Variants in NEBL observed in about 807,000 individuals in gnomAD.
NEBL encodes the protein LIM and SH3 protein 2.
In NEBL, 122 loss-of-function variants were observed where a neutral mutation model predicts 140.2. The observed-to-expected ratio is 0.87, with a 90% CI of 0.75 to 1.01. NEBL has a LOEUF of 1.01. Ranked by LOEUF, NEBL falls within the 50% of genes least tolerant of loss-of-function variation. The pLI, the probability that NEBL is intolerant of heterozygous loss-of-function variation, is 0.00. For missense variants in NEBL, 1,365 were observed against 1,231.3 expected (o/e 1.11, Z -1.62); for synonymous variants, 436 against 398.9 (o/e 1.09, Z -1.11).
chr10:21,046,425 T>C (rs1414706617), intron 2 of NEBL, among the ~76,000 whole-genome samples: 20 of 152,222 alleles, frequency 1.3e-4, no homozygotes. Context: ...AGCCATTACA[T>C]AGTGTACACA....
At chr10:20,966,895 A>G (rs891589198) in intron 3 of NEBL, among the ~76,000 whole-genome samples, 5 of 152,244 alleles carry the variant, frequency 3.3e-5, no homozygotes, top group African/African-American at 4.8e-5. Context: ...AAGGAAGCCA[A>G]CTGGGACCAG....
At chr10:21,156,374 G>C (rs963260806) in intron 2 of NEBL, among the ~76,000 whole-genome samples, 1 of 152,216 alleles carries the variant, frequency 6.6e-6, no homozygotes, top group South Asian at 2.1e-4. Flanking sequence ...CTGATTATGA[G>C]GAGGAAAAGA....
At chr10:20,891,080 C>T (rs1846988499) in intron 2 of NEBL, among the ~76,000 whole-genome samples, 1 of 152,146 alleles carries the variant, frequency 6.6e-6, no homozygotes, top group South Asian at 2.1e-4. Flanking sequence ...ATGTTATACA[C>T]TAATGGTACA....
At chr10:20,936,762 T>G (rs1834512529) in intron 4 of NEBL, among the ~76,000 whole-genome samples, 1 of 152,220 alleles carries the variant, frequency 6.6e-6, no homozygotes, top group African/African-American at 2.4e-5. Flanking sequence ...CTGTTCTAAT[T>G]ATTGCCTTTT....
chr10:21,233,187 T>G (rs1014396549), intron 3 of NEBL, among the ~76,000 whole-genome samples: 9 of 152,164 alleles, frequency 5.9e-5, no homozygotes, highest in Non-Finnish European at 1.0e-4. Flanking sequence ...CAGCCTTCTG[T>G]GTAGCTGGGA....
In NEBL at chr10:20,780,327, T is replaced by C. The variant is rs1278890417; in HGVS notation, c.*5420A>G. The C allele has an allele frequency of 6.6e-6, 1 of 152,238 alleles. No homozygotes were observed. The highest frequency in any genetic ancestry group is 1.5e-5 in the Non-Finnish European group (1 of 68,050). The allele number at this position is 152,238 out of a possible 1,614,324, so 9.4% of individuals were successfully genotyped here. On this transcript the variant is annotated 3_prime_UTR_variant, in exon 28 of 28. Transcript: ENST00000377122. ...TTAGAATTGTACTATTGAGGACATATGAGGAATTTATTCTTGAAATAAATT... is the reference window on the plus strand; with the variant it reads ...TTAGAATTGTACTATTGAGGACATACGAGGAATTTATTCTTGAAATAAATT...
intron 26 of NEBL, chr10:20,804,577 A>G (rs1837434715): frequency 6.6e-6 from 1 of 152,250 alleles, no homozygotes; most frequent in Admixed American, 6.5e-5. Context: ...CTGCAGGCCC[A>G]CTGAAACATA....
intron 3 of NEBL, among the ~76,000 whole-genome samples, chr10:21,237,544 A>G (rs568445518): frequency 6.6e-6 from 1 of 152,032 alleles, no homozygotes; most frequent in African/African-American, 2.4e-5. Context: ...TTCTGTTAAC[A>G]TCTAATTGAC....
intron 4 of NEBL, among the ~76,000 whole-genome samples, chr10:20,911,050 G>T (rs1848311919): frequency 6.6e-6 from 1 of 152,030 alleles, no homozygotes; most frequent in African/African-American, 2.4e-5. Context: ...TGTAGTTCCA[G>T]CTGCTCGGGA....
intron 6 of NEBL, among the ~76,000 whole-genome samples, chr10:20,869,101 T>C (rs1844644667): frequency 6.6e-6 from 1 of 152,212 alleles, no homozygotes; most frequent in Admixed American, 6.5e-5. Context: ...GTAGCTTTTA[T>C]AGTTTCGTTT....
At chr10:20,896,770 G>A (rs1001424729) in intron 2 of NEBL, among the ~76,000 whole-genome samples, 188 bp downstream of exon 2, 5 of 152,142 alleles carry the variant, frequency 3.3e-5, no homozygotes, top group Middle Eastern at 3.4e-3. Context: ...ACTTGCTCTA[G>A]CAGAAATTCT....
chr10:21,146,320 C>T, intron 2 of NEBL: 2 of 1,596,112 alleles, frequency 1.3e-6, no homozygotes, highest in Non-Finnish European at 1.7e-6. Context: ...CAGTATAAAC[C>T]TGCCCCCAAC....
At chr10:20,908,849 G>T (rs1848209521) in intron 4 of NEBL, among the ~76,000 whole-genome samples, 1 of 152,034 alleles carries the variant, frequency 6.6e-6, no homozygotes, top group African/African-American at 2.4e-5. Context: ...GGCATTTCAA[G>T]GTATACAGTT....
chr10:20,819,804 A>G (rs568360965), intron 19 of NEBL, among the ~76,000 whole-genome samples: 45 of 152,212 alleles, frequency 3.0e-4, no homozygotes, highest in Non-Finnish European at 5.7e-4. Context: ...AGCTCACTGC[A>G]GCCTCAACCT....
intron 2 of NEBL, among the ~76,000 whole-genome samples, chr10:21,061,471 T>C (rs1173162175): frequency 6.7e-6 from 1 of 148,202 alleles, no homozygotes; most frequent in Non-Finnish European, 1.5e-5. Context: ...ATATGATATA[T>C]CATATATTAC....
intron 4 of NEBL, among the ~76,000 whole-genome samples, chr10:20,924,083 GCAAATC>G (rs1237224116): frequency 6.6e-6 from 1 of 152,132 alleles, no homozygotes; most frequent in African/African-American, 2.4e-5. Context: ...ACAATGAATA[GCAAATC>G]CAAAATCACT....
chr10:21,154,733 T>A (rs1840273426), intron 2 of NEBL, among the ~76,000 whole-genome samples: 1 of 152,224 alleles, frequency 6.6e-6, no homozygotes. Flanking sequence ...TATTAACTCT[T>A]ACTCCAAATC....
At chr10:20,887,073 T>C (rs1846586114) in intron 4 of NEBL, among the ~76,000 whole-genome samples, 1 of 152,192 alleles carries the variant, frequency 6.6e-6, no homozygotes, top group Non-Finnish European at 1.5e-5. Flanking sequence ...TTGATTGTTC[T>C]GTGAAGAAAA....
intron 3 of NEBL, among the ~76,000 whole-genome samples, chr10:20,977,671 G>A (rs1836860489): frequency 6.6e-6 from 1 of 152,060 alleles, no homozygotes; most frequent in Non-Finnish European, 1.5e-5. Context: ...CCCCGCACTG[G>A]GGTGAAAAAA....
Sources: allele counts gnomAD v4.1 joint callset (sites outside exome capture counted in the v4.1 genomes callset), GRCh38; gene constraint gnomAD v4.1.1; transcripts MANE v1.5; gene names NCBI Gene and HGNC (gene_info 2026-07-23, HGNC 2026-07-21).